WLS: variants seen among roughly 807,000 people sequenced by gnomAD.
The protein encoded by WLS is Wnt ligand secretion mediator, also known as protein wntless homolog.
Under a neutral mutation model 62.8 loss-of-function variants are expected in WLS, and 23 were observed. That is an observed-to-expected ratio of 0.37 (90% CI 0.26 to 0.52). The LOEUF is 0.52. Ranked by LOEUF, WLS falls within the 20% of genes least tolerant of loss-of-function variation. The pLI is 0.92. For missense variants in WLS, 615 were observed against 697.3 expected (o/e 0.88, Z 1.33); for synonymous variants, 246 against 244.1 (o/e 1.01, Z -0.07).
intron 1 of WLS, among the ~76,000 whole-genome samples, chr1:68,196,970 G>C (rs1316895981): frequency 6.6e-6 from 1 of 152,120 alleles, no homozygotes; most frequent in Non-Finnish European, 1.5e-5. Context: ...TAAACAGTGA[G>C]ACAAAAGTCA....
intron 11 of WLS, among the ~76,000 whole-genome samples, chr1:68,110,630 C>T (rs1328475889): frequency 6.6e-6 from 1 of 151,008 alleles, no homozygotes; most frequent in East Asian, 1.9e-4. Flanking sequence ...GCCAGTGGAA[C>T]AGACTAAGAA....
intron 11 of WLS, among the ~76,000 whole-genome samples, chr1:68,129,489 C>A (rs570152253): frequency 2.6e-5 from 4 of 152,262 alleles, no homozygotes; most frequent in African/African-American, 9.6e-5. Flanking sequence ...GTTTAGCATG[C>A]CCTGTATTTC....
chr1:68,186,747 G>A, intron 2 of WLS: 1 of 448,474 alleles, frequency 2.2e-6, no homozygotes, highest in Non-Finnish European at 4.5e-6. Context: ...TAGACCTGAT[G>A]TGCCTGTTAT....
At chr1:68,175,218 G>A (rs1001852634) in intron 2 of WLS, among the ~76,000 whole-genome samples, 2 of 152,166 alleles carry the variant, frequency 1.3e-5, no homozygotes, top group Non-Finnish European at 2.9e-5. Context: ...TGATTCCTAA[G>A]AGCTCACATT....
intron 11 of WLS, among the ~76,000 whole-genome samples, chr1:68,101,588 C>A (rs1646079014): frequency 1.3e-5 from 2 of 152,196 alleles, no homozygotes; most frequent in African/African-American, 4.8e-5. Flanking sequence ...GCTGTCTTCT[C>A]TCTCTGACCC....
chr1:68,164,059 T>C (rs146993233), intron 2 of WLS, among the ~76,000 whole-genome samples: 2 of 152,332 alleles, frequency 1.3e-5, no homozygotes, highest in East Asian at 1.9e-4. Flanking sequence ...CATTCTGATA[T>C]AGAGGAAACC....
intron 1 of WLS, among the ~76,000 whole-genome samples, chr1:68,209,721 C>T (rs1475891782): frequency 6.6e-6 from 1 of 151,746 alleles, no homozygotes; most frequent in African/African-American, 2.4e-5. Flanking sequence ...GCGGAGGTTG[C>T]GGTGAGCCAA....
chr1:68,173,656 C>A (rs1647187910), intron 2 of WLS, among the ~76,000 whole-genome samples: 1 of 152,128 alleles, frequency 6.6e-6, no homozygotes, highest in Non-Finnish European at 1.5e-5. Flanking sequence ...TGGGGTCGCT[C>A]CATGGCAGTT....
At chr1:68,135,816 G>A (rs1646601649) in intron 11 of WLS, among the ~76,000 whole-genome samples, 1 of 152,110 alleles carries the variant, frequency 6.6e-6, no homozygotes, top group Non-Finnish European at 1.5e-5. Flanking sequence ...CTCGTGTTGT[G>A]GAAGCCCACT....
rs978714628 is a variant in WLS, at chr1:68,162,919, CCA to C, written c.380-3674_380-3673del. Reference sequence around the variant, plus strand: ...TGCGTGGACTGCGCGTCACAGAAGGCCACAGTGGCCAGGTCTTTCAGGATGGG... The same window carrying C: ...TGCGTGGACTGCGCGTCACAGAAGGCCAGTGGCCAGGTCTTTCAGGATGGG... On this transcript the variant is annotated intron_variant, in intron 2 of 11. Transcript: ENST00000262348. 70 of 1,576,566 alleles carry C rather than the reference CCA, an allele frequency of 4.4e-5. No homozygotes were observed. In the South Asian group the frequency reaches 6.6e-4, roughly 15 times the overall value.
chr1:68,101,376 A>G (rs1646076404), intron 11 of WLS, among the ~76,000 whole-genome samples: 1 of 152,142 alleles, frequency 6.6e-6, no homozygotes, highest in African/African-American at 2.4e-5. Flanking sequence ...TTGCTCTTTG[A>G]AGAAAGGAGG....
intron 1 of WLS, among the ~76,000 whole-genome samples, chr1:68,196,116 C>G (rs1022506505): frequency 2.0e-5 from 3 of 151,218 alleles, no homozygotes; most frequent in African/African-American, 7.3e-5. Context: ...AAATTTACAT[C>G]TTTTTGCTAG....
intron 2 of WLS, among the ~76,000 whole-genome samples, chr1:68,190,674 C>T (rs759261564): frequency 1.1e-4 from 17 of 152,286 alleles, no homozygotes; most frequent in Non-Finnish European, 2.1e-4. Context: ...GACTGCAGAC[C>T]AGGCCAACAG....
rs546425168 is a variant in WLS at position 68,150,505 on chromosome 1, C to T, written c.804-149G>A. On this transcript the variant is annotated intron_variant, in intron 5 of 11. Coordinates refer to ENST00000262348, the MANE Select transcript of WLS (RefSeq NM_024911.7). ...ATTTCTTCTGCACAGAGATGCAAAA[C>T]GTCCTATGTAGTTGGCACTGCTGCA... 61 of 1,124,612 alleles carry T rather than the reference C, an allele frequency of 5.4e-5. No homozygotes were observed. In the South Asian group the frequency reaches 5.6e-4, roughly 10 times the overall value. 69.7% of individuals were successfully genotyped at this position (1,124,612 alleles called of 1,614,324 possible).
intron 2 of WLS, among the ~76,000 whole-genome samples, chr1:68,182,526 T>C (rs1647647766): frequency 6.6e-6 from 1 of 152,232 alleles, no homozygotes; most frequent in African/African-American, 2.4e-5. Context: ...TTTCAGTTGC[T>C]TTCTATACCA....
intron 10 of WLS, chr1:68,141,878 T>G (rs190756356): frequency 6.6e-6 from 1 of 151,922 alleles, no homozygotes; most frequent in Non-Finnish European, 1.5e-5. Flanking sequence ...AAATAAATCT[T>G]AGAAAAAAAA....
intron 1 of WLS, among the ~76,000 whole-genome samples, chr1:68,213,392 A>G (rs1352700725): frequency 6.8e-6 from 1 of 147,978 alleles, no homozygotes; most frequent in Non-Finnish European, 1.5e-5. Flanking sequence ...CAGAGGTTGC[A>G]GTGAGCTGAG....
chr1:68,179,947 A>C (rs924454826), intron 2 of WLS, among the ~76,000 whole-genome samples: 1 of 152,186 alleles, frequency 6.6e-6, no homozygotes, highest in Non-Finnish European at 1.5e-5. Context: ...GACCACTGCT[A>C]GTCTGATCAG....
intron 3 of WLS, among the ~76,000 whole-genome samples, chr1:68,156,117 G>C (rs1268941292): frequency 6.6e-6 from 1 of 152,134 alleles, no homozygotes; most frequent in East Asian, 1.9e-4. Flanking sequence ...TCCCGGCTGT[G>C]TACCTGCTGA....
Sources: gnomAD v4.1 joint callset for allele counts (sites outside exome capture counted in the v4.1 genomes callset) on GRCh38, gnomAD v4.1.1 for gene constraint, MANE v1.5 for transcripts, NCBI Gene and HGNC (gene_info 2026-07-23, HGNC 2026-07-21) for gene names.